The following LHFPL3 variants were observed in gnomAD, a reference collection of about 807,000 sequenced individuals.
LHFPL3 encodes LHFPL tetraspan subfamily member 3 protein.
In LHFPL3, 5 loss-of-function variants were observed where a neutral mutation model predicts 19.3. The observed-to-expected ratio is 0.26, with a 90% CI of 0.14 to 0.54. The LOEUF is 0.54. LHFPL3 is among the 20% of genes least tolerant of loss of function. The pLI, the probability that LHFPL3 is intolerant of heterozygous loss-of-function variation, is 0.94. For synonymous variants in LHFPL3, 133 were observed against 126.2 expected, an observed-to-expected ratio of 1.05 and a Z score of -0.36; for missense variants, 249 against 307.4, an observed-to-expected ratio of 0.81 and a Z score of 1.42.
At chr7:104,573,570 T>C (rs1182137077) in intron 1 of LHFPL3, among the ~76,000 whole-genome samples, 1 of 152,232 alleles carries the variant, frequency 6.6e-6, no homozygotes, top group Non-Finnish European at 1.5e-5. Context: ...GGAGTTATTT[T>C]GCTCCCTTTG....
At chr7:104,374,208 A>ATG (rs1006955104) in intron 1 of LHFPL3, among the ~76,000 whole-genome samples, 2,321 of 147,130 alleles carry the variant, frequency 0.016, 61 homozygotes, top group East Asian at 0.11. Context: ...CTATCTATAT[A>ATG]TGTGTGTGTG....
At chr7:104,594,180 T>C (rs1386315171) in intron 1 of LHFPL3, among the ~76,000 whole-genome samples, 1 of 152,222 alleles carries the variant, frequency 6.6e-6, no homozygotes, top group Non-Finnish European at 1.5e-5. Context: ...GTACTGGTTG[T>C]TCCTTTCCAT....
chr7:104,888,987 T>C (rs754831979), intron 2 of LHFPL3, among the ~76,000 whole-genome samples: 1 of 151,848 alleles, frequency 6.6e-6, no homozygotes, highest in Non-Finnish European at 1.5e-5. Context: ...GAGAGATGAG[T>C]TGAATCTGAC....
intron 1 of LHFPL3, among the ~76,000 whole-genome samples, chr7:104,350,806 G>A (rs1242441555): frequency 1.3e-5 from 2 of 152,148 alleles, no homozygotes; most frequent in African/African-American, 4.8e-5. Context: ...TTGGGAGGCC[G>A]AGGTGGGTGA....
At chr7:104,796,395 G>T (rs543016293) in intron 2 of LHFPL3, 1 of 152,306 alleles carries the variant, frequency 6.6e-6, no homozygotes, top group African/African-American at 2.4e-5. Context: ...ATCAAGACAG[G>T]CTAGGAGTGA....
chr7:104,644,753 C>CT (rs1791901813), intron 1 of LHFPL3, among the ~76,000 whole-genome samples: 1 of 3,098 alleles, frequency 3.2e-4, no homozygotes, highest in Non-Finnish European at 4.5e-3. Context: ...CATTCCTCCC[C>CT]CTCCCTGCTG....
intron 1 of LHFPL3, among the ~76,000 whole-genome samples, chr7:104,358,684 A>G (rs1174919775): frequency 3.3e-5 from 5 of 152,250 alleles, no homozygotes; most frequent in South Asian, 4.1e-4. Context: ...GCTTTTGTTT[A>G]GAGCATGCTG....
At chr7:104,456,912 C>T (rs961921351) in intron 1 of LHFPL3, among the ~76,000 whole-genome samples, 3 of 152,058 alleles carry the variant, frequency 2.0e-5, no homozygotes, top group Admixed American at 6.5e-5. Context: ...CTGGAATTTT[C>T]TATTGAATAT....
chr7:104,812,537 T>C (rs1790491009), intron 2 of LHFPL3, among the ~76,000 whole-genome samples: 2 of 152,052 alleles, frequency 1.3e-5, no homozygotes, highest in African/African-American at 2.4e-5. Flanking sequence ...AGGTGGCTCA[T>C]GCCTGTAATC....
chr7:104,903,289 A>G (rs1240635348), intron 2 of LHFPL3, among the ~76,000 whole-genome samples: 1 of 152,108 alleles, frequency 6.6e-6, no homozygotes, highest in East Asian at 1.9e-4. Context: ...TCTCTGGTTC[A>G]TGGATGCCAA....
intron 1 of LHFPL3, among the ~76,000 whole-genome samples, chr7:104,511,514 G>A (rs1194128316): frequency 6.6e-6 from 1 of 152,110 alleles, no homozygotes; most frequent in Non-Finnish European, 1.5e-5. Context: ...AAACCTCTAC[G>A]TAAGTATTCA....
intron 1 of LHFPL3, among the ~76,000 whole-genome samples, chr7:104,592,789 A>G (rs1312513391): frequency 6.6e-6 from 1 of 151,930 alleles, no homozygotes; most frequent in Non-Finnish European, 1.5e-5. Context: ...TTACCTACTC[A>G]AGCCTCAGCA....
intron 1 of LHFPL3, among the ~76,000 whole-genome samples, chr7:104,615,730 G>A (rs1044814813): frequency 1.3e-5 from 2 of 148,546 alleles, no homozygotes; most frequent in Non-Finnish European, 3.0e-5. Flanking sequence ...CGGTGTCCAT[G>A]TGTTCTCTTT....
intron 2 of LHFPL3, among the ~76,000 whole-genome samples, chr7:104,856,511 G>T (rs1791510030): frequency 6.6e-6 from 1 of 152,078 alleles, no homozygotes; most frequent in African/African-American, 2.4e-5. Flanking sequence ...GCCTCCCAAA[G>T]TGCTGGGATT....
chr7:104,644,800 C>G (rs1239747457), intron 1 of LHFPL3, among the ~76,000 whole-genome samples: 1 of 152,242 alleles, frequency 6.6e-6, no homozygotes, highest in African/African-American at 2.4e-5. Context: ...GGTTTCCCGG[C>G]CCTGCTGAAC....
chr7:104,754,725 G>T (rs575467708), intron 2 of LHFPL3, among the ~76,000 whole-genome samples: 1 of 152,308 alleles, frequency 6.6e-6, no homozygotes, highest in South Asian at 2.1e-4. Flanking sequence ...ATTGAGAGTA[G>T]GAAATAAGGG....
At chr7:104,618,557 C>T (rs1446007711) in intron 1 of LHFPL3, among the ~76,000 whole-genome samples, 1 of 151,936 alleles carries the variant, frequency 6.6e-6, no homozygotes, top group African/African-American at 2.4e-5. Flanking sequence ...TCTTCCAATT[C>T]GTTATACATT....
At chr7:104,778,892 A>C (rs1266453577) in intron 2 of LHFPL3, among the ~76,000 whole-genome samples, 1 of 152,244 alleles carries the variant, frequency 6.6e-6, no homozygotes, top group Non-Finnish European at 1.5e-5. Flanking sequence ...TCAGTTAAAC[A>C]GAATTATTTT....
intron 1 of LHFPL3, among the ~76,000 whole-genome samples, chr7:104,595,177 A>G (rs10279814): frequency 0.97 from 147,392 of 152,314 alleles, 71,480 homozygotes; most frequent in East Asian, 1. Context: ...CTTTGTGGTT[A>G]TATCTACCTT....
Sources: allele counts gnomAD v4.1 joint callset (sites outside exome capture counted in the v4.1 genomes callset), GRCh38; gene constraint gnomAD v4.1.1; transcripts MANE v1.5; gene names NCBI Gene and HGNC (gene_info 2026-07-23, HGNC 2026-07-21).